Variants in PARP9 observed in about 807,000 individuals in gnomAD.
The protein encoded by PARP9 is protein mono-ADP-ribosyltransferase PARP9.
Under a neutral mutation model 68.8 loss-of-function variants are expected in PARP9, and 48 were observed. The observed-to-expected ratio is 0.70, with a 90% CI of 0.55 to 0.89. The LOEUF (loss-of-function observed/expected upper bound fraction) is 0.89, where lower values mean the gene tolerates loss of function less well. Among genes scored for constraint, PARP9 ranks in the 40% least tolerant of loss-of-function variants. The pLI is 0.00. For synonymous variants in PARP9, 309 were observed against 333.8 expected (o/e 0.93, Z 0.81); for missense variants, 806 against 969.3 (o/e 0.83, Z 2.24).
chr3:122,547,229 G>T (rs1390721023), intron 6 of PARP9, among the ~76,000 whole-genome samples: 5 of 150,080 alleles, frequency 3.3e-5, no homozygotes, highest in African/African-American at 7.4e-5. Flanking sequence ...CAAGGAGCTG[G>T]GATTACAGGC....
intron 10 of PARP9, among the ~76,000 whole-genome samples, chr3:122,530,682 CCT>C (rs1474729281): frequency 6.6e-6 from 1 of 152,082 alleles, no homozygotes; most frequent in Non-Finnish European, 1.5e-5. Flanking sequence ...TCATTTCTTC[CCT>C]CTCTTTCTTT....
At chr3:122,537,367 T>C (rs1175763659) in intron 8 of PARP9, among the ~76,000 whole-genome samples, 1 of 152,222 alleles carries the variant, frequency 6.6e-6, no homozygotes, top group Non-Finnish European at 1.5e-5. Context: ...GAGAAATAAT[T>C]GTGTTGCTCA....
Position 122,540,455 on chromosome 3 carries a change from G to T in PARP9, c.1765+17C>A, listed in dbSNP as rs894630238. 1 of 1,606,384 alleles carries T rather than the reference G, an allele frequency of 6.2e-7. No homozygotes were observed. Among genetic ancestry groups the T allele is most frequent in the South Asian group, 1.1e-5 (1 of 90,608 alleles). ...ATGGGGAGAATTTACTTTCTAATTTGATAGAAAGTTACTCACCTAACGAGC... is the reference window on the plus strand; with the variant it reads ...ATGGGGAGAATTTACTTTCTAATTTTATAGAAAGTTACTCACCTAACGAGC... On this transcript the variant is annotated intron_variant, in intron 8 of 10. Coordinates refer to ENST00000682323, the MANE Select transcript of PARP9 (RefSeq NM_001146105.2).
At chr3:122,542,743 G>T (rs2078350264) in intron 7 of PARP9, among the ~76,000 whole-genome samples, 1 of 152,124 alleles carries the variant, frequency 6.6e-6, no homozygotes, top group South Asian at 2.1e-4. Flanking sequence ...CTCCCAAAGT[G>T]CTGGGATTAC....
intron 7 of PARP9, among the ~76,000 whole-genome samples, chr3:122,541,259 C>G (rs2078210567): frequency 1.3e-5 from 2 of 152,212 alleles, no homozygotes; most frequent in Non-Finnish European, 2.9e-5. Context: ...GATATTGTCA[C>G]CACTGTCAGC....
chr3:122,534,106 C>T, intron 10 of PARP9: 1 of 968,792 alleles, frequency 1.0e-6, no homozygotes, highest in Middle Eastern at 5.3e-4. Flanking sequence ...AAGGGCAGAG[C>T]ACACAGACAG....
chr3:122,540,617 TTC>T lies in PARP9; in HGVS notation c.1618_1619del (p.Glu540AsnfsTer12). ...ACTCTGTCCTTCCTGGGCTGATAAT[TTC>T]TGTGATGGAGACACTTGAAGTTTTC... Reference protein sequence around the residue: ...LQKTSSVSITEIISPGRTELE... With the variant: ...LQKTSSVSITXIISPGRTELE... On this transcript the variant is annotated frameshift_variant, in exon 8 of 11. Transcript: ENST00000682323. LOFTEE classifies it high-confidence loss of function. 2 of 1,614,168 alleles carry T rather than the reference TTC, an allele frequency of 1.2e-6. No homozygotes were observed. Among genetic ancestry groups the T allele is most frequent in the Non-Finnish European group, 1.7e-6 (2 of 1,180,036 alleles).
At chr3:122,550,259 A>G (rs2079092787) in intron 6 of PARP9, among the ~76,000 whole-genome samples, 1 of 152,068 alleles carries the variant, frequency 6.6e-6, no homozygotes, top group Non-Finnish European at 1.5e-5. Flanking sequence ...TTGTATTTTT[A>G]GTAGAGACAG....
Position 122,550,622 on chromosome 3 carries a change from T to A in PARP9, c.1288A>T (p.Lys430Ter). Residue 430 changes from lysine to a stop codon, truncating the protein, a stop_gained, in exon 6 of 11, where the codon AAA becomes TAA. Coordinates refer to ENST00000682323, the MANE Select transcript of PARP9 (RefSeq NM_001146105.2). LOFTEE classifies it high-confidence loss of function. ...AAATCTGTTGGAAAGATCACAAATT[T>A]TACAGTTAACTGGTGTTTTACATGG... is the stretch of plus-strand genomic sequence containing the variant. The part of the protein sequence containing the change: ...KDHVKHQLTV[K>*]FVIFPTDLEI... 6.2e-7 allele frequency: 1 copy of A among 1,613,562 alleles called. No homozygotes were observed. The highest frequency in any genetic ancestry group is 1.1e-5 in the South Asian group (1 of 91,050).
chr3:122,537,136 T>G, intron 8 of PARP9, 63 bp from the exon 9 acceptor site: 1 of 1,484,610 alleles, frequency 6.7e-7, no homozygotes, highest in Non-Finnish European at 9.1e-7. Flanking sequence ...AGAAATTTAA[T>G]GAAACAAATT....
chr3:122,550,561 AC>A, intron 6 of PARP9, 22 bp downstream of exon 6: 1 of 1,535,362 alleles, frequency 6.5e-7, no homozygotes, highest in South Asian at 1.1e-5. Flanking sequence ...GAACAGTAGG[AC>A]ATTTCTAAGA....
intron 10 of PARP9, 147 bp downstream of exon 10, chr3:122,536,021 T>G: frequency 2.0e-6 from 3 of 1,530,818 alleles, no homozygotes; most frequent in African/African-American, 1.4e-5. Flanking sequence ...AAATACTTTG[T>G]GACCTGGGTC....
chr3:122,535,048 T>A, intron 10 of PARP9: 1 of 982,006 alleles, frequency 1.0e-6, no homozygotes, highest in Non-Finnish European at 1.2e-6. Flanking sequence ...GTCACAGGAC[T>A]GAAAAGAGAA....
At chr3:122,535,214 C>G in intron 10 of PARP9, 4 of 985,374 alleles carry the variant, frequency 4.1e-6, no homozygotes, top group Middle Eastern at 5.2e-4. Flanking sequence ...CTATACTGAT[C>G]ATCACTTTCC....
upstream of PARP9, chr3:122,564,752 C>A: frequency 9.1e-7 from 1 of 1,097,638 alleles, no homozygotes; most frequent in Non-Finnish European, 1.3e-6. Context: ...GGGACGGGGC[C>A]CTACTGCCAA....
At chr3:122,556,151 A>ATT (rs1576435998) in intron 3 of PARP9, 30 bp from the exon 4 acceptor site, 34 of 567,952 alleles carry the variant, frequency 6.0e-5, no homozygotes, top group East Asian at 4.2e-4. Context: ...TAAAAAAAAA[A>ATT]AAAAAAAAAA....
Position 122,556,424 on chromosome 3 carries a change from T to C in PARP9, c.50-303A>G, listed in dbSNP as rs1366429369. Among the ~76,000 whole-genome samples, 3 of 152,128 alleles carry C rather than the reference T, an allele frequency of 2.0e-5. No individual in the cohort carries two copies. The East Asian group carries it at 5.8e-4, about 29-fold the overall frequency. On this transcript the variant is annotated intron_variant, in intron 3 of 10. Transcript: ENST00000682323. The stretch of plus-strand genomic sequence containing the variant: ...CAGTGATGATGGTAGGAAAACCATG[T>C]ATATGGGGGCTTGTGAATTTTTAAA...
chr3:122,552,845 G>T (rs1037189531), intron 4 of PARP9, among the ~76,000 whole-genome samples: 4 of 152,108 alleles, frequency 2.6e-5, no homozygotes, highest in Admixed American at 2.6e-4. Flanking sequence ...ACATAATTCA[G>T]AAATTATGTA....
intron 7 of PARP9, among the ~76,000 whole-genome samples, chr3:122,543,200 C>T (rs1260876929): frequency 2.0e-5 from 3 of 149,732 alleles, no homozygotes; most frequent in African/African-American, 2.5e-5. Flanking sequence ...CATGAGCCAC[C>T]GTGCCCGGCT....
Sources: gnomAD v4.1 joint callset for allele counts (sites outside exome capture counted in the v4.1 genomes callset) on GRCh38, gnomAD v4.1.1 for gene constraint, MANE v1.5 for transcripts, NCBI Gene and HGNC (gene_info 2026-07-23, HGNC 2026-07-21) for gene names.